CRTAC1: variants seen among roughly 807,000 people sequenced by gnomAD.
CRTAC1 encodes cartilage acidic protein 1.
CRTAC1 carries 37 observed loss-of-function variants against 67.8 expected under a neutral mutation model. The ratio of observed to expected loss-of-function variants is 0.55; its 90% CI spans 0.42 to 0.72. CRTAC1 has a LOEUF of 0.72. Among genes scored for constraint, CRTAC1 ranks in the 30% least tolerant of loss-of-function variants. The pLI is 0.00. For missense variants in CRTAC1, 780 were observed against 931.6 expected (o/e 0.84, Z 2.12); for synonymous variants, 348 against 371.0 (o/e 0.94, Z 0.71).
intron 2 of CRTAC1, among the ~76,000 whole-genome samples, chr10:97,954,055 G>A (rs956234795): frequency 4.6e-5 from 7 of 152,108 alleles, no homozygotes; most frequent in African/African-American, 7.2e-5. Flanking sequence ...CCGTGGCATC[G>A]CCCTGGGAGA....
chr10:97,946,310 A>T (rs908025297), intron 2 of CRTAC1, among the ~76,000 whole-genome samples: 2 of 152,238 alleles, frequency 1.3e-5, no homozygotes, highest in African/African-American at 4.8e-5. Flanking sequence ...GACTGGAACC[A>T]GGATGTGGTC....
At position 97,904,748 on chromosome 10, in the gene CRTAC1, A is replaced by G. The variant is rs2050586799; in HGVS notation, c.917T>C (p.Val306Ala). The change falls in exon 7 of 15, where the codon GTG (valine) becomes GCG (alanine). Residue 306 changes from valine to alanine, a missense_variant. Val to Ala is a moderately conservative substitution (Grantham distance 64, BLOSUM62 0). Transcript: ENST00000370597. ...ATTCCAGTTGCCATAGACGATGTCC[A>G]CTTTGCCATCACGGTTGAAGTCAGC... ...ALADFNRDGK[V>A]DIVYGNWNGP... 1 of 1,608,150 alleles carries G rather than the reference A, an allele frequency of 6.2e-7. No individual in the cohort carries two copies. Among genetic ancestry groups the G allele is most frequent in the Non-Finnish European group, 8.5e-7 (1 of 1,177,422 alleles).
intron 2 of CRTAC1, among the ~76,000 whole-genome samples, chr10:97,952,538 CAAA>C (rs397844653): frequency 8.3e-4 from 53 of 64,222 alleles, no homozygotes; most frequent in East Asian, 3.0e-3. Context: ...AATTCCATCT[CAAA>C]AAAAAAAAAA....
At chr10:97,992,623 A>C (rs1199592560) in intron 2 of CRTAC1, among the ~76,000 whole-genome samples, 2 of 152,252 alleles carry the variant, frequency 1.3e-5, no homozygotes, top group Non-Finnish European at 2.9e-5. Context: ...AAGAAGAAGA[A>C]AATCCTGTCA....
chr10:97,967,424 G>A (rs746334276), intron 2 of CRTAC1, among the ~76,000 whole-genome samples: 3 of 152,104 alleles, frequency 2.0e-5, no homozygotes, highest in Non-Finnish European at 4.4e-5. Flanking sequence ...TTTCTCCAAG[G>A]AACCTTGTTT....
intron 11 of CRTAC1, among the ~76,000 whole-genome samples, chr10:97,890,787 C>T (rs969416596): frequency 6.6e-6 from 1 of 152,030 alleles, no homozygotes; most frequent in Non-Finnish European, 1.5e-5. Flanking sequence ...CCTGCCTCAG[C>T]CTCCCGAGTA....
intron 14 of CRTAC1, chr10:97,878,773 A>T (rs965536705): frequency 1.7e-6 from 2 of 1,199,640 alleles, no homozygotes; most frequent in African/African-American, 3.2e-5. Flanking sequence ...GCCCTTAGGG[A>T]TATACCAGCC....
intron 2 of CRTAC1, among the ~76,000 whole-genome samples, chr10:97,967,769 A>G (rs569577151): frequency 5.3e-5 from 8 of 152,302 alleles, no homozygotes; most frequent in African/African-American, 1.9e-4. Context: ...CACTGAGTGT[A>G]TTAAGCAGAT....
At chr10:97,932,931 G>T (rs1379276911) in intron 3 of CRTAC1, among the ~76,000 whole-genome samples, 1 of 152,238 alleles carries the variant, frequency 6.6e-6, no homozygotes, top group East Asian at 1.9e-4. Context: ...ACAGGATGTT[G>T]TTGGGATGCA....
intron 7 of CRTAC1, among the ~76,000 whole-genome samples, chr10:97,904,424 A>T (rs574357833): frequency 6.6e-6 from 1 of 151,716 alleles, no homozygotes; most frequent in African/African-American, 2.4e-5. Context: ...TATTTTATTT[A>T]TTTATTTTTT....
intron 4 of CRTAC1, among the ~76,000 whole-genome samples, chr10:97,922,040 C>T (rs2050847684): frequency 6.6e-6 from 1 of 152,058 alleles, no homozygotes; most frequent in African/African-American, 2.4e-5. Flanking sequence ...TGAGAAGTTG[C>T]CCACGTTAGC....
At chr10:97,932,529 G>C (rs1166638862) in intron 3 of CRTAC1, among the ~76,000 whole-genome samples, 1 of 152,138 alleles carries the variant, frequency 6.6e-6, no homozygotes, top group Non-Finnish European at 1.5e-5. Flanking sequence ...AAGGGCACAG[G>C]GGGTAATGGG....
intron 5 of CRTAC1, among the ~76,000 whole-genome samples, chr10:97,915,334 G>A (rs918954528): frequency 6.6e-6 from 1 of 152,220 alleles, no homozygotes; most frequent in Non-Finnish European, 1.5e-5. Flanking sequence ...TGTGACCTTG[G>A]GCGAGTCCCT....
chr10:97,883,466 CAT>C (rs1196312624), intron 12 of CRTAC1, among the ~76,000 whole-genome samples: 5 of 152,206 alleles, frequency 3.3e-5, no homozygotes, highest in African/African-American at 9.6e-5. Context: ...ACGTAACACA[CAT>C]GACACAAAAT....
At chr10:97,869,080 A>C (rs1245830628) in intron 14 of CRTAC1, 1 of 152,270 alleles carries the variant, frequency 6.6e-6, no homozygotes, top group Non-Finnish European at 1.5e-5. Flanking sequence ...GCAAGGAAGA[A>C]GACAGATCCA....
At chr10:97,967,539 G>A (rs2051638356) in intron 2 of CRTAC1, among the ~76,000 whole-genome samples, 1 of 152,138 alleles carries the variant, frequency 6.6e-6, no homozygotes, top group Non-Finnish European at 1.5e-5. Flanking sequence ...GACAGATCAA[G>A]GAAATATATG....
At chr10:98,017,194 A>G (rs1296348853) in intron 1 of CRTAC1, among the ~76,000 whole-genome samples, 1 of 152,224 alleles carries the variant, frequency 6.6e-6, no homozygotes, top group African/African-American at 2.4e-5. Context: ...ACAGTACTCC[A>G]TGCAGAGATG....
Position 98,030,293 on chromosome 10 carries a change from A to T in CRTAC1, c.24+156T>A, listed in dbSNP as rs1428271799. Among the ~76,000 whole-genome samples the T allele has an allele frequency of 2.0e-5, 3 of 151,956 alleles. No individual in the cohort carries two copies. The highest frequency in any genetic ancestry group is 4.4e-5 in the Non-Finnish European group (3 of 67,940). ...GCGCCAATCGAGTCCAGCGCCTCCCAGCAAGTTAGGAGCGAAGCCGCCGCC... is the reference window on the plus strand; with the variant it reads ...GCGCCAATCGAGTCCAGCGCCTCCCTGCAAGTTAGGAGCGAAGCCGCCGCC... On this transcript the variant is annotated intron_variant, in intron 1 of 14. Transcript: ENST00000370597. The surrounding 1 kb of genome is among the most constrained non-coding windows in gnomAD (Gnocchi z 4.2).
chr10:97,907,032 G>A (rs187239815), intron 6 of CRTAC1, among the ~76,000 whole-genome samples: 10 of 152,300 alleles, frequency 6.6e-5, no homozygotes, highest in South Asian at 6.2e-4. Flanking sequence ...TGGCAAGGTC[G>A]GGGGAAATGG....
Sources: allele counts gnomAD v4.1 joint callset (sites outside exome capture counted in the v4.1 genomes callset), GRCh38; gene constraint gnomAD v4.1.1; non-coding constraint Gnocchi (gnomAD v3.1); transcripts MANE v1.5; gene names NCBI Gene and HGNC (gene_info 2026-07-23, HGNC 2026-07-21).